Variants in PARD3B observed in about 807,000 individuals in gnomAD.
The protein encoded by PARD3B is par-3 family cell polarity regulator beta.
In PARD3B, 103 loss-of-function variants were observed where a neutral mutation model predicts 130.2. The observed-to-expected ratio is 0.79, with a 90% CI of 0.67 to 0.93. PARD3B has a LOEUF of 0.93. Among genes scored for constraint, PARD3B ranks in the 40% least tolerant of loss-of-function variants. The pLI is 0.00. For missense variants in PARD3B, 1,609 were observed against 1,499.2 expected (o/e 1.07, Z -1.21); for synonymous variants, 583 against 553.2 (o/e 1.05, Z -0.76).
At chr2:205,316,730 C>A (rs953186671) in intron 18 of PARD3B, among the ~76,000 whole-genome samples, 1 of 152,070 alleles carries the variant, frequency 6.6e-6, no homozygotes, top group African/African-American at 2.4e-5. Flanking sequence ...AAAACCTACT[C>A]CAGGCCTTTT....
In PARD3B at chr2:204,842,869, G is replaced by A. The variant is rs76467786; in HGVS notation, c.223-122283G>A. Among the ~76,000 whole-genome samples, 966 of 152,218 alleles carry A rather than the reference G, an allele frequency of 6.3e-3. 9 individuals carry two copies. The highest frequency in any genetic ancestry group is 0.014 in the Middle Eastern group (4 of 294). On this transcript the variant is annotated intron_variant, in intron 2 of 22. Coordinates refer to ENST00000406610, the MANE Select transcript of PARD3B (RefSeq NM_001302769.2). The stretch of plus-strand genomic sequence containing the variant: ...GCTCCTCAAAGCTGTTAAATTTCTC[G>A]AAGGGAAGCTGAGTCATTAGGAAAT...
intron 1 of PARD3B, among the ~76,000 whole-genome samples, chr2:204,674,638 T>C (rs1387611837): frequency 6.6e-6 from 1 of 152,202 alleles, no homozygotes; most frequent in Non-Finnish European, 1.5e-5. Flanking sequence ...CGGCCGCCAG[T>C]ACCTCTTCTG....
rs116755078 is a variant in PARD3B at position 205,579,680 on chromosome 2, G to A, written c.3260+26277G>A. Among the ~76,000 whole-genome samples, 1,374 of 152,312 alleles carry A rather than the reference G, an allele frequency of 9.0e-3. 26 individuals carry two copies. The highest frequency in any genetic ancestry group is 0.031 in the African/African-American group (1,296 of 41,574). On this transcript the variant is annotated intron_variant, in intron 22 of 22. Transcript: ENST00000406610. Reference sequence around the variant, plus strand: ...TTGCCTGATTTAAGGTGGCGCCTTTGTTGAGGGGGGACAGTTAAAGGATTC... The same window carrying A: ...TTGCCTGATTTAAGGTGGCGCCTTTATTGAGGGGGGACAGTTAAAGGATTC...
At chr2:205,059,385 C>T (rs753042700) in intron 4 of PARD3B, among the ~76,000 whole-genome samples, 30 of 152,166 alleles carry the variant, frequency 2.0e-4, no homozygotes, top group Non-Finnish European at 2.6e-4. Context: ...AAGAAAGCTT[C>T]TGTCTGTGGG....
chr2:205,539,695 G>A (rs1440406554), intron 21 of PARD3B, among the ~76,000 whole-genome samples: 2 of 152,064 alleles, frequency 1.3e-5, no homozygotes, highest in Non-Finnish European at 2.9e-5. Flanking sequence ...TTAGATATCC[G>A]GTTCTGAAGC....
At chr2:205,614,212 A>G (rs1382782075) in intron 22 of PARD3B, among the ~76,000 whole-genome samples, 2 of 152,166 alleles carry the variant, frequency 1.3e-5, no homozygotes, top group Non-Finnish European at 2.9e-5. Context: ...TGGCAAACGG[A>G]TCAGAAGATG....
At chr2:204,829,842 A>G (rs2043738398) in intron 2 of PARD3B, among the ~76,000 whole-genome samples, 5 of 151,952 alleles carry the variant, frequency 3.3e-5, no homozygotes, top group Admixed American at 3.3e-4. Context: ...TACTAAAAAT[A>G]CAAAAAATTA....
Position 205,406,678 on chromosome 2 carries a change from TTTTTTTTTTTA to T in PARD3B, c.2741+5556_2741+5566del, listed in dbSNP as rs1324956511. Among the ~76,000 whole-genome samples the T allele has an allele frequency of 7.5e-4, 108 of 144,058 alleles. 1 individual carries two copies. The highest frequency in any genetic ancestry group is 2.8e-3 in the African/African-American group (106 of 37,766). 94.5% of individuals were successfully genotyped at this position (144,058 alleles called of 152,430 possible). On this transcript the variant is annotated intron_variant, in intron 19 of 22. Transcript: ENST00000406610. ...GTGTATCTTTTTTTTTTTTTTTTTTTTTTTTTTTTTAAAGACAGAGTCTCACTCTGTCACCA... is the reference window on the plus strand; with the variant it reads ...GTGTATCTTTTTTTTTTTTTTTTTTTAAGACAGAGTCTCACTCTGTCACCA...
At position 205,321,666 on chromosome 2, in the gene PARD3B, CAAGT is replaced by C. The variant is rs1001699591; in HGVS notation, c.2630+19968_2630+19971del. 8.5e-5 allele frequency among the ~76,000 whole-genome samples: 13 copies of C among 152,270 alleles called. No homozygotes were observed. Among genetic ancestry groups the C allele is most frequent in the Non-Finnish European group, 1.8e-4 (12 of 68,012 alleles). On this transcript the variant is annotated intron_variant, in intron 18 of 22. Transcript: ENST00000406610. The surrounding 1 kb of genome is among the most constrained non-coding windows in gnomAD (Gnocchi z 4.2). ...TTTGAGATAAGTCAAGAGTTGGCCT[CAAGT>C]AAACCTCAAAATAGCAAAATCAGAA...
intron 3 of PARD3B, among the ~76,000 whole-genome samples, chr2:204,998,346 ATATATATATATATGTGTG>A (rs1326900708): frequency 1.0e-4 from 8 of 78,640 alleles, no homozygotes; most frequent in African/African-American, 3.7e-4. Context: ...ATATATATAT[ATATATATATATATGTGTG>A]TGTGTGTGTG....
intron 16 of PARD3B, among the ~76,000 whole-genome samples, chr2:205,297,192 A>G (rs557887797): frequency 1.9e-4 from 29 of 152,260 alleles, no homozygotes; most frequent in African/African-American, 5.5e-4. Context: ...AATGGGATCA[A>G]TTGGCTGAGG....
At chr2:204,594,844 CAG>C (rs1427474948) in intron 1 of PARD3B, among the ~76,000 whole-genome samples, 3 of 152,126 alleles carry the variant, frequency 2.0e-5, no homozygotes, top group African/African-American at 7.2e-5. Flanking sequence ...GTAAATAGCA[CAG>C]AATTAAAGAC....
chr2:205,561,371 A>G (rs1183074739), intron 22 of PARD3B, among the ~76,000 whole-genome samples: 2 of 152,142 alleles, frequency 1.3e-5, no homozygotes, highest in Non-Finnish European at 2.9e-5. Flanking sequence ...AAAGAGTTCA[A>G]TGAAAAGTTG....
chr2:204,964,566 G>T (rs1227916637), intron 2 of PARD3B, among the ~76,000 whole-genome samples: 2 of 152,034 alleles, frequency 1.3e-5, no homozygotes, highest in African/African-American at 2.4e-5. Flanking sequence ...TGAAGGAAAA[G>T]AACAAAATTA....
At chr2:204,952,943 G>T (rs531649288) in intron 2 of PARD3B, among the ~76,000 whole-genome samples, 1 of 150,370 alleles carries the variant, frequency 6.7e-6, no homozygotes, top group South Asian at 2.1e-4. Flanking sequence ...CTTGCAGTGA[G>T]CTGAGATCTT....
chr2:204,657,838 G>T (rs1388819412), intron 1 of PARD3B, among the ~76,000 whole-genome samples: 1 of 152,140 alleles, frequency 6.6e-6, no homozygotes, highest in Non-Finnish European at 1.5e-5. Context: ...AACCATGGTT[G>T]CATGCAAGTG....
At chr2:205,097,687 C>G (rs559674915) in intron 4 of PARD3B, among the ~76,000 whole-genome samples, 4 of 152,278 alleles carry the variant, frequency 2.6e-5, no homozygotes, top group Middle Eastern at 3.4e-3. Context: ...GGTAATTCTT[C>G]TGATCCACGT....
At chr2:204,603,681 G>T (rs879735113) in intron 1 of PARD3B, among the ~76,000 whole-genome samples, 4 of 151,976 alleles carry the variant, frequency 2.6e-5, no homozygotes, top group Admixed American at 6.6e-5. Context: ...GACCACACTT[G>T]ATCACTCCAG....
At chr2:204,595,697 A>G (rs369507712) in intron 1 of PARD3B, among the ~76,000 whole-genome samples, 4 of 152,254 alleles carry the variant, frequency 2.6e-5, no homozygotes, top group African/African-American at 9.6e-5. Flanking sequence ...ATGAAAATTC[A>G]GAAAAGTCAA....
Sources: gnomAD v4.1 joint callset for allele counts (sites outside exome capture counted in the v4.1 genomes callset) on GRCh38, gnomAD v4.1.1 for gene constraint, Gnocchi (gnomAD v3.1) non-coding constraint, MANE v1.5 for transcripts, NCBI Gene and HGNC (gene_info 2026-07-23, HGNC 2026-07-21) for gene names.